Variants in NALCN observed in about 807,000 individuals in gnomAD.
NALCN encodes sodium leak channel, non-selective.
In NALCN, 111 loss-of-function variants were observed where a neutral mutation model predicts 225.3. That is an observed-to-expected ratio of 0.49 (90% CI 0.42 to 0.58). NALCN has a LOEUF of 0.58. NALCN is among the 20% of genes least tolerant of loss of function. The pLI, the probability that NALCN is intolerant of heterozygous loss-of-function variation, is 0.00. For synonymous variants in NALCN, 764 were observed against 769.0 expected (o/e 0.99, Z 0.11); for missense variants, 1,378 against 2,202.4 (o/e 0.63, Z 7.49).
At chr13:101,410,843 T>C (rs2047759282) in intron 1 of NALCN, among the ~76,000 whole-genome samples, 1 of 152,224 alleles carries the variant, frequency 6.6e-6, no homozygotes, top group Admixed American at 6.5e-5. Context: ...CCAAGCTCGA[T>C]GATCGGAAAT....
intron 11 of NALCN, among the ~76,000 whole-genome samples, chr13:101,255,556 C>G (rs1434578033): frequency 6.6e-6 from 1 of 152,198 alleles, no homozygotes; most frequent in East Asian, 1.9e-4. Flanking sequence ...TAACTGTAAT[C>G]TCTTGTGGTC....
chr13:101,111,231 GA>G lies in NALCN; in HGVS notation c.2193-6del, dbSNP rs66537139. On this transcript the variant is annotated splice_region_variant and splice_polypyrimidine_tract_variant and intron_variant, in intron 18 of 43. Coordinates refer to ENST00000251127, the MANE Select transcript of NALCN (RefSeq NM_052867.4). The stretch of plus-strand genomic sequence containing the variant: ...ATGCGCTGTCGGGTGCAAGCTCTAG[GA>G]AAAAAAAAGGAGCCCAAGATAAATG... 254 of 1,551,026 alleles carry G rather than the reference GA, an allele frequency of 1.6e-4. No individual in the cohort carries two copies. Among genetic ancestry groups the G allele is most frequent in the South Asian group, 4.0e-4 (34 of 85,512 alleles).
At chr13:101,180,853 C>G in intron 14 of NALCN, 1 of 349,720 alleles carries the variant, frequency 2.9e-6, no homozygotes. Context: ...CTCTCTCTCT[C>G]TCTGCATCTG....
chr13:101,058,916 C>T (rs1057424973), intron 42 of NALCN: 3 of 152,448 alleles, frequency 2.0e-5, no homozygotes, highest in Middle Eastern at 3.4e-3. Flanking sequence ...CAGATGATTT[C>T]TAAAGGCTGG....
chr13:101,187,354 G>T (rs1436013935), intron 14 of NALCN, among the ~76,000 whole-genome samples: 2 of 152,118 alleles, frequency 1.3e-5, no homozygotes, highest in Non-Finnish European at 2.9e-5. Context: ...ATCTTGGAAA[G>T]TTTCCCTTGG....
chr13:101,358,324 T>C (rs947368928), intron 6 of NALCN, among the ~76,000 whole-genome samples: 1 of 151,920 alleles, frequency 6.6e-6, no homozygotes, highest in Non-Finnish European at 1.5e-5. Flanking sequence ...ATCCACAACC[T>C]ATAAGAAATG....
chr13:101,309,099 A>C (rs772452696), intron 7 of NALCN, among the ~76,000 whole-genome samples: 1 of 152,234 alleles, frequency 6.6e-6, no homozygotes, highest in Non-Finnish European at 1.5e-5. Context: ...ACATGGAGCA[A>C]TAAATTATTT....
At chr13:101,068,653 C>A (rs1236855859) in intron 38 of NALCN, 42 bp downstream of exon 38, 2 of 1,486,986 alleles carry the variant, frequency 1.3e-6, no homozygotes, top group South Asian at 1.5e-5. Context: ...ATCTAAGTAC[C>A]TGAGTTTAAA....
rs547785146 is a variant in NALCN at position 101,380,908 on chromosome 13, C to A, written c.292-2255G>T. 2.3e-3 allele frequency among the ~76,000 whole-genome samples: 346 copies of A among 150,996 alleles called. 1 individual carries two copies. Among genetic ancestry groups the A allele is most frequent in the Non-Finnish European group, 3.6e-3 (244 of 67,682 alleles). ...CACACACACACCACCATCACCACCA[C>A]CAACAACCAAAAGAACAGTCTTGTA... On this transcript the variant is annotated intron_variant, in intron 3 of 43. Coordinates refer to ENST00000251127, the MANE Select transcript of NALCN (RefSeq NM_052867.4).
At chr13:101,192,141 T>A in intron 13 of NALCN, 87 bp from the exon 14 acceptor site, 1 of 1,447,734 alleles carries the variant, frequency 6.9e-7, no homozygotes, top group Non-Finnish European at 9.2e-7. Context: ...AAGACTTTGA[T>A]CTCAATATTA....
intron 17 of NALCN, among the ~76,000 whole-genome samples, chr13:101,137,373 TTCTC>T (rs144925380): frequency 0.02 from 3,002 of 150,248 alleles, 45 homozygotes; most frequent in South Asian, 0.051. Flanking sequence ...CATTTGTTCA[TTCTC>T]TCTCTCTCTC....
chr13:101,362,324 A>T (rs974448726), intron 6 of NALCN, among the ~76,000 whole-genome samples: 7 of 152,118 alleles, frequency 4.6e-5, no homozygotes, highest in African/African-American at 1.7e-4. Context: ...GAAGTTTCTC[A>T]AATGGTAAAA....
intron 11 of NALCN, among the ~76,000 whole-genome samples, chr13:101,253,531 A>C (rs1401953133): frequency 6.6e-6 from 1 of 152,224 alleles, no homozygotes; most frequent in African/African-American, 2.4e-5. Flanking sequence ...TTTGAGAATT[A>C]AATGAGACAA....
chr13:101,102,111 C>T (rs909470919), intron 26 of NALCN, among the ~76,000 whole-genome samples: 4 of 151,854 alleles, frequency 2.6e-5, no homozygotes, highest in Non-Finnish European at 5.9e-5. Flanking sequence ...GGTGCAGCCC[C>T]GTGTCTACTA....
intron 7 of NALCN, among the ~76,000 whole-genome samples, chr13:101,311,947 C>A (rs1169416014): frequency 6.6e-6 from 1 of 152,118 alleles, no homozygotes; most frequent in Admixed American, 6.6e-5. Flanking sequence ...ACCAGTTCCT[C>A]CTTGTACCTC....
intron 7 of NALCN, among the ~76,000 whole-genome samples, chr13:101,329,151 G>T (rs1209290479): frequency 6.6e-6 from 1 of 152,110 alleles, no homozygotes; most frequent in East Asian, 1.9e-4. Context: ...TACAATCACC[G>T]CTAGTTTTTA....
At chr13:101,076,844 G>A (rs934044753) in intron 34 of NALCN, among the ~76,000 whole-genome samples, 1 of 152,212 alleles carries the variant, frequency 6.6e-6, no homozygotes, top group Non-Finnish European at 1.5e-5. Context: ...GGTTATCTGG[G>A]ATTAGAGAGT....
chr13:101,284,005 A>G lies in NALCN; in HGVS notation c.1062T>C (p.Asp354=). The change falls in exon 10 of 44, where the codon GAT becomes GAC. Residue 354 remains aspartate (D), a synonymous_variant. Coordinates refer to ENST00000251127, the MANE Select transcript of NALCN (RefSeq NM_052867.4). ...STATTQMFHE[D]AAGGWQLVAV... ...CTACCAGCTGCCAACCTCCAGCAGC[A>G]TCTTCATGAAACATCTTCAAGACAA... 11 of 1,613,386 alleles carry G rather than the reference A, an allele frequency of 6.8e-6. No homozygotes were observed. The highest frequency in any genetic ancestry group is 9.3e-6 in the Non-Finnish European group (11 of 1,179,738).
chr13:101,148,245 A>C (rs1186855628), intron 15 of NALCN, among the ~76,000 whole-genome samples: 3 of 152,158 alleles, frequency 2.0e-5, no homozygotes. Flanking sequence ...GCTCTCTCTG[A>C]AGGCTCCAGG....
Sources: gnomAD v4.1 joint callset for allele counts (sites outside exome capture counted in the v4.1 genomes callset) on GRCh38, gnomAD v4.1.1 for gene constraint, MANE v1.5 for transcripts, NCBI Gene and HGNC (gene_info 2026-07-23, HGNC 2026-07-21) for gene names.